SPIDR: variants seen among roughly 807,000 people sequenced by gnomAD.
SPIDR encodes scaffold protein involved in DNA repair.
Under a neutral mutation model 104.6 loss-of-function variants are expected in SPIDR, and 93 were observed. That is an observed-to-expected ratio of 0.89 (90% confidence interval 0.75 to 1.06). SPIDR has a LOEUF of 1.06. Among genes scored for constraint, SPIDR ranks in the 50% least tolerant of loss-of-function variants. SPIDR has a pLI of 0.00. For synonymous variants in SPIDR, 431 were observed against 416.9 expected, an observed-to-expected ratio of 1.03 and a Z score of -0.41; for missense variants, 1,154 against 1,111.2, an observed-to-expected ratio of 1.04 and a Z score of -0.55.
At chr8:47,268,506 T>G (rs2034562420) in intron 1 of SPIDR, among the ~76,000 whole-genome samples, 1 of 152,248 alleles carries the variant, frequency 6.6e-6, no homozygotes. Context: ...GTTTTACAGT[T>G]TTCAGTGAAA....
At chr8:47,660,022 T>C (rs963362268) in intron 10 of SPIDR, among the ~76,000 whole-genome samples, 2 of 152,208 alleles carry the variant, frequency 1.3e-5, no homozygotes, top group Non-Finnish European at 2.9e-5. Flanking sequence ...CTGTCCTTCA[T>C]TCGTGTAGCT....
At chr8:47,404,609 A>G (rs1450562459) in intron 6 of SPIDR, among the ~76,000 whole-genome samples, 2 of 152,234 alleles carry the variant, frequency 1.3e-5, no homozygotes, top group African/African-American at 2.4e-5. Context: ...AATGCTCATC[A>G]TCACTGGCCA....
intron 1 of SPIDR, among the ~76,000 whole-genome samples, chr8:47,271,605 G>A (rs1051999491): frequency 2.6e-5 from 4 of 151,836 alleles, no homozygotes; most frequent in Admixed American, 2.6e-4. Context: ...TCGCTATTTG[G>A]TGAGGCATTT....
chr8:47,410,188 C>T (rs1365892530), intron 7 of SPIDR, among the ~76,000 whole-genome samples: 1 of 146,208 alleles, frequency 6.8e-6, no homozygotes, highest in Non-Finnish European at 1.5e-5. Flanking sequence ...TTTATTTTAC[C>T]TTTTTTTTTT....
intron 1 of SPIDR, among the ~76,000 whole-genome samples, chr8:47,274,145 A>G (rs1056853688): frequency 2.6e-5 from 4 of 152,336 alleles, no homozygotes; most frequent in South Asian, 2.1e-4. Flanking sequence ...TAGGAGTTCT[A>G]TGGCAGGAAC....
chr8:47,577,639 G>A lies in SPIDR; in HGVS notation c.1098-18172G>A, dbSNP rs779441222. The stretch of plus-strand genomic sequence containing the variant: ...AGAAAGTGCAGATTTTTGTATCCGC[G>A]GGGATCCTGGAAGCAATCCCTTGTA... On this transcript the variant is annotated intron_variant, in intron 8 of 19. Transcript: ENST00000297423. Among the ~76,000 whole-genome samples, 25 of 152,128 alleles carry A rather than the reference G, an allele frequency of 1.6e-4. 1 individual carries two copies. The highest frequency in any genetic ancestry group is 1.4e-3 in the Admixed American group (22 of 15,272).
chr8:47,310,071 C>T (rs369729671), intron 5 of SPIDR, among the ~76,000 whole-genome samples: 9 of 151,456 alleles, frequency 5.9e-5, no homozygotes, highest in South Asian at 2.1e-4. Context: ...CTGTGGCTCA[C>T]GCCTGTAATC....
intron 5 of SPIDR, among the ~76,000 whole-genome samples, chr8:47,365,119 TTTTTCC>T (rs1158474003): frequency 1.3e-5 from 2 of 152,164 alleles, no homozygotes; most frequent in African/African-American, 4.8e-5. Flanking sequence ...CATACATGTG[TTTTTCC>T]TTTGGAGGCA....
intron 3 of SPIDR, among the ~76,000 whole-genome samples, chr8:47,285,263 C>T (rs2154229777): frequency 6.6e-6 from 1 of 152,266 alleles, no homozygotes; most frequent in South Asian, 2.1e-4. Context: ...GTTACTATTT[C>T]AAGTGACATG....
chr8:47,619,333 T>G (rs1158489502), intron 10 of SPIDR, among the ~76,000 whole-genome samples: 1 of 152,234 alleles, frequency 6.6e-6, no homozygotes, highest in Non-Finnish European at 1.5e-5. Flanking sequence ...TCATGGAATC[T>G]TAAGAGTTCA....
At chr8:47,500,283 T>C (rs996633615) in intron 8 of SPIDR, among the ~76,000 whole-genome samples, 1 of 152,232 alleles carries the variant, frequency 6.6e-6, no homozygotes, top group African/African-American at 2.4e-5. Flanking sequence ...TTCCTATTTC[T>C]CTACATCCTC....
chr8:47,444,329 T>G (rs1230614280), intron 8 of SPIDR, among the ~76,000 whole-genome samples: 1 of 152,184 alleles, frequency 6.6e-6, no homozygotes, highest in African/African-American at 2.4e-5. Context: ...GGTGAGAGGT[T>G]AAGTGTGTGA....
intron 5 of SPIDR, among the ~76,000 whole-genome samples, chr8:47,385,427 A>G (rs574874538): frequency 1.3e-5 from 2 of 152,376 alleles, no homozygotes; most frequent in South Asian, 2.1e-4. Flanking sequence ...TGTTCTTTAC[A>G]TATAAAGTAT....
At chr8:47,360,828 A>C in intron 5 of SPIDR, 1 of 985,420 alleles carries the variant, frequency 1.0e-6, no homozygotes, top group Non-Finnish European at 1.2e-6. Flanking sequence ...CAGTGCTTGA[A>C]GGTATCTGGT....
intron 5 of SPIDR, among the ~76,000 whole-genome samples, chr8:47,316,496 T>G (rs2045367322): frequency 6.6e-6 from 1 of 152,186 alleles, no homozygotes; most frequent in Non-Finnish European, 1.5e-5. Context: ...CAAATAGGTA[T>G]AGTCATAAAT....
intron 5 of SPIDR, among the ~76,000 whole-genome samples, chr8:47,370,736 C>T (rs1317627171): frequency 2.6e-5 from 4 of 151,892 alleles, no homozygotes; most frequent in Non-Finnish European, 4.4e-5. Flanking sequence ...AGGCATGAGC[C>T]ACCGTGCCTG....
At chr8:47,394,495 C>T (rs985452591) in intron 5 of SPIDR, among the ~76,000 whole-genome samples, 2 of 152,186 alleles carry the variant, frequency 1.3e-5, no homozygotes, top group East Asian at 3.9e-4. Flanking sequence ...TTGGCAACTT[C>T]CGGAGACCTT....
At chr8:47,554,250 C>T (rs1371246584) in intron 8 of SPIDR, among the ~76,000 whole-genome samples, 2 of 152,194 alleles carry the variant, frequency 1.3e-5, no homozygotes, top group Non-Finnish European at 2.9e-5. Context: ...AAACTCCGTG[C>T]TGGGAGAACC....
chr8:47,648,029 G>T (rs1039283380), intron 10 of SPIDR, among the ~76,000 whole-genome samples: 1 of 152,208 alleles, frequency 6.6e-6, no homozygotes, highest in African/African-American at 2.4e-5. Flanking sequence ...AAGGCCTTTG[G>T]ATTTTATTCC....
Sources: gnomAD v4.1 joint callset for allele counts (sites outside exome capture counted in the v4.1 genomes callset) on GRCh38, gnomAD v4.1.1 for gene constraint, MANE v1.5 for transcripts, NCBI Gene and HGNC (gene_info 2026-07-23, HGNC 2026-07-21) for gene names.